Variants in TAFA4 observed in about 807,000 individuals in gnomAD.
The protein encoded by TAFA4 is chemokine-like protein TAFA-4.
A neutral mutation model predicts 21.1 loss-of-function variants in TAFA4; 20 were observed. The observed-to-expected ratio is 0.95, with a 90% confidence interval of 0.67 to 1.38. TAFA4 has a LOEUF of 1.38. Among genes scored for constraint, TAFA4 ranks in the 40% most tolerant of loss-of-function variants. The probability of loss-of-function intolerance (pLI) is 0.00; values close to 1 mark genes in which losing one functional copy is unlikely to be tolerated. For missense variants in TAFA4, 211 were observed against 180.9 expected, an observed-to-expected ratio of 1.17 and a Z score of -0.95; for synonymous variants, 71 against 67.4, an observed-to-expected ratio of 1.05 and a Z score of -0.26.
At chr3:68,883,440 A>C (rs1261449657) in intron 2 of TAFA4, among the ~76,000 whole-genome samples, 1 of 152,218 alleles carries the variant, frequency 6.6e-6, no homozygotes, top group East Asian at 1.9e-4. Context: ...AACTAAATTC[A>C]GTGTATGTGA....
intron 3 of TAFA4, among the ~76,000 whole-genome samples, chr3:68,756,385 T>C (rs1702660198): frequency 6.6e-6 from 1 of 152,264 alleles, no homozygotes; most frequent in Non-Finnish European, 1.5e-5. Context: ...GTGTGAATTG[T>C]AAGCAATTTC....
intron 3 of TAFA4, among the ~76,000 whole-genome samples, chr3:68,767,226 G>A (rs11927179): frequency 0.088 from 13,426 of 152,090 alleles, 710 homozygotes; most frequent in African/African-American, 0.14. Context: ...CAGAGGATAT[G>A]CTATAGCAAA....
At chr3:68,799,725 C>T (rs1703532505) in intron 3 of TAFA4, among the ~76,000 whole-genome samples, 1 of 133,376 alleles carries the variant, frequency 7.5e-6, no homozygotes, top group South Asian at 2.4e-4. Flanking sequence ...TGAAGATAGC[C>T]TCTAGAACCT....
At chr3:68,799,751 A>ATTGTG (rs1703534269) in intron 3 of TAFA4, among the ~76,000 whole-genome samples, 1 of 72,390 alleles carries the variant, frequency 1.4e-5, no homozygotes, top group African/African-American at 4.6e-5. Flanking sequence ...GGGCAAAGAG[A>ATTGTG]TCGTGTCTCC....
chr3:68,735,586 A>T (rs750831867), intron 5 of TAFA4, among the ~76,000 whole-genome samples: 7 of 152,080 alleles, frequency 4.6e-5, no homozygotes, highest in Non-Finnish European at 1.0e-4. Context: ...GATAGCATTA[A>T]ATTATTATTA....
intron 3 of TAFA4, among the ~76,000 whole-genome samples, chr3:68,825,274 G>A (rs1231761309): frequency 2.0e-5 from 3 of 152,086 alleles, no homozygotes; most frequent in Non-Finnish European, 4.4e-5. Flanking sequence ...ATGACCTCCA[G>A]CTCCATCCAC....
At chr3:68,760,330 G>A (rs1260462581) in intron 3 of TAFA4, among the ~76,000 whole-genome samples, 1 of 152,112 alleles carries the variant, frequency 6.6e-6, no homozygotes, top group East Asian at 1.9e-4. Context: ...TTGTCCCAGT[G>A]CAGACAGGGC....
At chr3:68,877,698 C>T (rs545587263) in intron 3 of TAFA4, among the ~76,000 whole-genome samples, 28 of 152,168 alleles carry the variant, frequency 1.8e-4, no homozygotes, top group Non-Finnish European at 2.8e-4. Context: ...AGTCAGCTTA[C>T]TAGAACAATG....
chr3:68,825,460 A>C (rs1704208390), intron 3 of TAFA4, among the ~76,000 whole-genome samples: 1 of 152,228 alleles, frequency 6.6e-6, no homozygotes, highest in African/African-American at 2.4e-5. Context: ...AGATACATGC[A>C]CGTGTATGTT....
chr3:68,806,245 G>GA (rs1466504788), intron 3 of TAFA4, among the ~76,000 whole-genome samples: 4 of 152,072 alleles, frequency 2.6e-5, no homozygotes, highest in Non-Finnish European at 5.9e-5. Context: ...TAAGTAAGGA[G>GA]AAAAAATAGT....
chr3:68,760,929 G>A (rs937987799), intron 3 of TAFA4, among the ~76,000 whole-genome samples: 1 of 152,206 alleles, frequency 6.6e-6, no homozygotes, highest in Non-Finnish European at 1.5e-5. Context: ...GCCTCTGCCA[G>A]GTGGTGAGGA....
chr3:68,826,280 A>C (rs1704233409), intron 3 of TAFA4, among the ~76,000 whole-genome samples: 1 of 152,180 alleles, frequency 6.6e-6, no homozygotes, highest in South Asian at 2.1e-4. Context: ...GATAATAAGA[A>C]GGTTTACTCA....
At chr3:68,880,269 A>AT in intron 3 of TAFA4, among the ~76,000 whole-genome samples, 1 of 152,246 alleles carries the variant, frequency 6.6e-6, no homozygotes, top group African/African-American at 2.4e-5. Flanking sequence ...CATGTAGCAT[A>AT]TTTTCTCCAC....
At chr3:68,786,009 A>G (rs568660883) in intron 3 of TAFA4, among the ~76,000 whole-genome samples, 13 of 152,248 alleles carry the variant, frequency 8.5e-5, no homozygotes, top group Non-Finnish European at 1.8e-4. Flanking sequence ...GCAACAACCC[A>G]TATGTCCATC....
Position 68,885,326 on chromosome 3 carries a change from C to CAAA in TAFA4, c.-122-19_-122-17dup. ...CTCAGAAGACCTATGTTAAAAAGGC[C>CAAA]AAAAAAAAAAAAGGAATCAATTAGC... On this transcript the variant is annotated splice_polypyrimidine_tract_variant and intron_variant, in intron 1 of 5. Transcript: ENST00000295569. 2.1e-6 allele frequency: 1 copy of CAAA among 467,382 alleles called. No individual in the cohort carries two copies. The highest frequency in any genetic ancestry group is 3.7e-6 in the Non-Finnish European group (1 of 272,678). The allele number at this position is 467,382 out of a possible 1,614,324, so 29.0% of individuals were successfully genotyped here. A position where few individuals can be genotyped will look rare whatever the true frequency, so the allele number is the denominator to read the frequency against.
chr3:68,895,485 G>A (rs1333864975), intron 1 of TAFA4, among the ~76,000 whole-genome samples: 1 of 152,128 alleles, frequency 6.6e-6, no homozygotes. Context: ...CTGTATATGT[G>A]CATGGGTTTG....
At chr3:68,803,939 C>G (rs956691263) in intron 3 of TAFA4, among the ~76,000 whole-genome samples, 1 of 150,568 alleles carries the variant, frequency 6.6e-6, no homozygotes, top group African/African-American at 2.4e-5. Context: ...AGGCATGTGC[C>G]ACCACACCTG....
At chr3:68,858,292 A>G (rs1463277312) in intron 3 of TAFA4, among the ~76,000 whole-genome samples, 1 of 152,146 alleles carries the variant, frequency 6.6e-6, no homozygotes, top group Non-Finnish European at 1.5e-5. Context: ...CTCTGCTATG[A>G]AAAACATCAA....
At chr3:68,806,981 G>A (rs1703715531) in intron 3 of TAFA4, among the ~76,000 whole-genome samples, 1 of 152,190 alleles carries the variant, frequency 6.6e-6, no homozygotes, top group Non-Finnish European at 1.5e-5. Context: ...CTAGGAGCTG[G>A]AAATAGGAGA....
Sources: gnomAD v4.1 joint callset for allele counts (sites outside exome capture counted in the v4.1 genomes callset) on GRCh38, gnomAD v4.1.1 for gene constraint, MANE v1.5 for transcripts, NCBI Gene and HGNC (gene_info 2026-07-23, HGNC 2026-07-21) for gene names.